LRPPRC: variants seen among roughly 807,000 people sequenced by gnomAD.
The protein encoded by LRPPRC is leucine-rich PPR motif-containing protein, mitochondrial.
Under a neutral mutation model 180.3 loss-of-function variants are expected in LRPPRC, and 120 were observed. The observed-to-expected ratio is 0.67, with a 90% CI of 0.57 to 0.77. The LOEUF (loss-of-function observed/expected upper bound fraction) is 0.77, where lower values mean the gene tolerates loss of function less well. Among genes scored for constraint, LRPPRC ranks in the 30% least tolerant of loss-of-function variants. The probability of loss-of-function intolerance (pLI) is 0.00; values close to 1 mark genes in which losing one functional copy is unlikely to be tolerated. For missense variants in LRPPRC, 2,012 were observed against 1,657.2 expected (o/e 1.21, Z -3.72); for synonymous variants, 723 against 600.0 (o/e 1.21, Z -3.00).
chr2:43,889,314 CAAAAAAAAAAAAA>C (rs780032604), intron 37 of LRPPRC, among the ~76,000 whole-genome samples: 3 of 38,340 alleles, frequency 7.8e-5, no homozygotes, highest in East Asian at 1.1e-3. Flanking sequence ...GACTCCATCT[CAAAAAAAAAAAAA>C]AAAAAAAAAA....
chr2:43,919,830 A>G (rs1671632233), intron 27 of LRPPRC, among the ~76,000 whole-genome samples: 2 of 152,182 alleles, frequency 1.3e-5, no homozygotes, highest in South Asian at 4.2e-4. Flanking sequence ...TATAAGAAAT[A>G]TCTGGATTGT....
In LRPPRC at chr2:43,901,532, A is replaced by C; in HGVS notation, c.3365-8T>G. On this transcript the variant is annotated splice_polypyrimidine_tract_variant and splice_region_variant and intron_variant, in intron 31 of 37. Transcript: ENST00000260665. ...TCAGTGTTGTCACAGCCTCTAAAAT[A>C]CAAGAGCAGGAGATGGCTTTTCTTA... The C allele has an allele frequency of 6.3e-7, 1 of 1,591,752 alleles. No individual in the cohort carries two copies. The highest frequency in any genetic ancestry group is 8.6e-7 in the Non-Finnish European group (1 of 1,159,570).
chr2:43,894,332 G>A (rs983448706), intron 36 of LRPPRC, among the ~76,000 whole-genome samples: 1 of 152,140 alleles, frequency 6.6e-6, no homozygotes, highest in Non-Finnish European at 1.5e-5. Context: ...TAATGTTAAA[G>A]TTATATGCAT....
In LRPPRC at chr2:43,977,068, G is replaced by A. The variant is rs201058655; in HGVS notation, c.592-16C>T. On this transcript the variant is annotated splice_polypyrimidine_tract_variant and intron_variant, in intron 4 of 37. Coordinates refer to ENST00000260665, the MANE Select transcript of LRPPRC (RefSeq NM_133259.4). ...GGTATGTCACCTGTCAATGAAATGGGCCAGTTAATTTTAAATATACTTTTT... is the reference window on the plus strand; with the variant it reads ...GGTATGTCACCTGTCAATGAAATGGACCAGTTAATTTTAAATATACTTTTT... 45 of 1,611,784 alleles carry A rather than the reference G, an allele frequency of 2.8e-5. No individual in the cohort carries two copies. In the East Asian group the frequency reaches 6.3e-4, roughly 22 times the overall value.
rs911897433 is a variant in LRPPRC at position 43,972,356 on chromosome 2, C to G, written c.1369+1251G>C. ...TGCTACAACCATAGAAAGAAATTAC[C>G]TAACTCTTTTATGTTTACTAAGTAG... On this transcript the variant is annotated intron_variant, in intron 11 of 37. Coordinates refer to ENST00000260665, the MANE Select transcript of LRPPRC (RefSeq NM_133259.4). Among the ~76,000 whole-genome samples, 6 of 152,256 alleles carry G rather than the reference C, an allele frequency of 3.9e-5. No homozygotes were observed. In the South Asian group the frequency reaches 1.2e-3, roughly 32 times the overall value.
At position 43,894,600 on chromosome 2, in the gene LRPPRC, C is replaced by A; in HGVS notation, c.3930G>T (p.Leu1310Phe). Residue 1310 changes from leucine (L) to phenylalanine (F), a missense_variant, in exon 36 of 38, where the codon TTG (leucine) becomes TTT (phenylalanine). Physicochemically the swap from Leu to Phe is conservative, Grantham distance 22 (BLOSUM62 0). Coordinates refer to ENST00000260665, the MANE Select transcript of LRPPRC (RefSeq NM_133259.4). ...KASTVKSVLE[L>F]IPELNEKEEA... ...CTTCCTTTTCATTTAATTCAGGAAT[C>A]AATTCTAACACAGATTTCACAGTTG... 3 of 1,581,596 alleles carry A rather than the reference C, an allele frequency of 1.9e-6. No homozygotes were observed. In the South Asian group the frequency reaches 3.3e-5, roughly 18 times the overall value.
Position 43,957,380 on chromosome 2 carries a change from C to G in LRPPRC, c.1649+5G>C. On this transcript the variant is annotated splice_donor_5th_base_variant and intron_variant, in intron 14 of 37. Transcript: ENST00000260665. The stretch of plus-strand genomic sequence containing the variant: ...GGCAAGGAACATTTAAGTTGATCAT[C>G]TTACCTCCTGAAGCCTAGCAGTAGG... The G allele has an allele frequency of 6.2e-7, 1 of 1,607,198 alleles. No individual in the cohort carries two copies. Among genetic ancestry groups the G allele is most frequent in the Non-Finnish European group, 8.5e-7 (1 of 1,173,718 alleles).
chr2:43,915,779 A>C (rs1326922842), intron 29 of LRPPRC, among the ~76,000 whole-genome samples: 3 of 152,140 alleles, frequency 2.0e-5, no homozygotes, highest in Non-Finnish European at 4.4e-5. Context: ...AATGCCACAA[A>C]ATTTCTTTCT....
chr2:43,975,000 G>T, intron 7 of LRPPRC, 91 bp downstream of exon 7: 1 of 1,307,466 alleles, frequency 7.6e-7, no homozygotes, highest in Non-Finnish European at 1.1e-6. Flanking sequence ...TTTGAAAACA[G>T]GTATAAACTT....
chr2:43,887,143 C>CAAAAAAAAGAAAA lies in LRPPRC; in HGVS notation c.*1456_*1457insTTTTCTTTTTTTT, dbSNP rs1670296659. The CAAAAAAAAGAAAA allele has an allele frequency of 1.4e-5, 1 of 73,206 alleles. No individual in the cohort carries two copies. The highest frequency in any genetic ancestry group is 2.7e-5 in the Non-Finnish European group (1 of 37,678). The allele number at this position is 73,206 out of a possible 1,614,324, so 4.5% of individuals were successfully genotyped here. ...CTTAAGCAACAGAGCAAGACTATCT[C>CAAAAAAAAGAAAA]AAAAAAAAAAAAAAAAAAAAAGATG... is the stretch of plus-strand genomic sequence containing the variant. On this transcript the variant is annotated 3_prime_UTR_variant, in exon 38 of 38. Coordinates refer to ENST00000260665, the MANE Select transcript of LRPPRC (RefSeq NM_133259.4).
At chr2:43,908,895 T>G (rs1398960232) in intron 30 of LRPPRC, among the ~76,000 whole-genome samples, 1 of 152,184 alleles carries the variant, frequency 6.6e-6, no homozygotes, top group African/African-American at 2.4e-5. Context: ...AAAACAGCTA[T>G]TTATGGATCC....
At chr2:43,986,201 G>A (rs1047107404) in intron 1 of LRPPRC, among the ~76,000 whole-genome samples, 1 of 152,134 alleles carries the variant, frequency 6.6e-6, no homozygotes, top group Non-Finnish European at 1.5e-5. Flanking sequence ...CGCGACCTCA[G>A]GTCACTGCAA....
At chr2:43,973,771 G>T in intron 10 of LRPPRC, 24 bp downstream of exon 10, 1 of 1,601,440 alleles carries the variant, frequency 6.2e-7, no homozygotes, top group Middle Eastern at 1.7e-4. Context: ...TCCTTACTTG[G>T]CTTTAACTTT....
At chr2:43,950,533 T>C in intron 15 of LRPPRC, 40 bp downstream of exon 15, 1 of 1,573,568 alleles carries the variant, frequency 6.4e-7, no homozygotes. Flanking sequence ...GCTTGTAACG[T>C]TAAAAGCACC....
Position 43,889,684 on chromosome 2 carries a change from G to A in LRPPRC, c.4128+50C>T, listed in dbSNP as rs1471623155. 2.2e-6 allele frequency: 3 copies of A among 1,350,810 alleles called. No homozygotes were observed. The African/African-American group carries it at 4.4e-5, about 20-fold the overall frequency. The allele number at this position is 1,350,810 out of a possible 1,614,324, so 83.7% of individuals were successfully genotyped here. On this transcript the variant is annotated intron_variant, in intron 37 of 37. Coordinates refer to ENST00000260665, the MANE Select transcript of LRPPRC (RefSeq NM_133259.4). ...ATTTTCTTACACATTGTTATGAAGT[G>A]CACATAAATCTGCAGAGGTATTTTT...
intron 2 of LRPPRC, among the ~76,000 whole-genome samples, chr2:43,981,516 G>A (rs994087839): frequency 1.3e-4 from 20 of 151,942 alleles, no homozygotes; most frequent in Non-Finnish European, 2.1e-4. Context: ...AAAATTAGCT[G>A]GGCAGTGGCA....
At chr2:43,892,453 T>C (rs77076390) in intron 36 of LRPPRC, among the ~76,000 whole-genome samples, 2,633 of 152,296 alleles carry the variant, frequency 0.017, 79 homozygotes, top group African/African-American at 0.06. Flanking sequence ...GAGGACAGCA[T>C]GGATGTTTAT....
chr2:43,893,234 C>T (rs1266328318), intron 36 of LRPPRC, among the ~76,000 whole-genome samples: 1 of 152,168 alleles, frequency 6.6e-6, no homozygotes, highest in African/African-American at 2.4e-5. Flanking sequence ...GTTGAGATGA[C>T]AACAAAGGAT....
intron 24 of LRPPRC, among the ~76,000 whole-genome samples, 196 bp from the exon 25 acceptor site, chr2:43,934,492 TA>T (rs1377090432): frequency 6.6e-6 from 1 of 151,550 alleles, no homozygotes; most frequent in African/African-American, 2.4e-5. Flanking sequence ...AGGATAAGGG[TA>T]AAAAAAATCT....
Sources: gnomAD v4.1 joint callset for allele counts (sites outside exome capture counted in the v4.1 genomes callset) on GRCh38, gnomAD v4.1.1 for gene constraint, MANE v1.5 for transcripts, NCBI Gene and HGNC (gene_info 2026-07-23, HGNC 2026-07-21) for gene names.